The following HAPLN1 variants were observed in gnomAD, a reference collection of about 807,000 sequenced individuals.
HAPLN1 encodes the protein hyaluronan and proteoglycan link protein 1.
A neutral mutation model predicts 36.5 loss-of-function variants in HAPLN1; 13 were observed. The observed-to-expected ratio is 0.36, with a 90% CI of 0.23 to 0.57. The LOEUF (loss-of-function observed/expected upper bound fraction) is 0.57. HAPLN1 is among the 20% of genes least tolerant of loss of function. The pLI is 0.83. For missense variants in HAPLN1, 407 were observed against 439.7 expected (o/e 0.93, Z 0.66); for synonymous variants, 202 against 169.8 (o/e 1.19, Z -1.48).
intron 1 of HAPLN1, among the ~76,000 whole-genome samples, chr5:83,693,347 A>G (rs1751322504): frequency 6.6e-6 from 1 of 151,900 alleles, no homozygotes; most frequent in African/African-American, 2.4e-5. Flanking sequence ...TAACTAATAA[A>G]CCGACAAAGG....
intron 2 of HAPLN1, among the ~76,000 whole-genome samples, chr5:83,657,452 T>C (rs1200443632): frequency 6.6e-6 from 1 of 152,292 alleles, no homozygotes; most frequent in South Asian, 2.1e-4. Flanking sequence ...GTTATACATT[T>C]TATGAATCAT....
At chr5:83,704,189 T>C (rs1356838669) in intron 1 of HAPLN1, among the ~76,000 whole-genome samples, 1 of 152,130 alleles carries the variant, frequency 6.6e-6, no homozygotes, top group Non-Finnish European at 1.5e-5. Context: ...ATAAGATCTT[T>C]TTCAGATATG....
At position 83,641,544 on chromosome 5, in the gene HAPLN1, A is replaced by C; in HGVS notation, c.1017T>G (p.Asp339Glu). The part of the protein sequence containing the change: ...EAAVRFVGFP[D>E]KKHKLYGVYC... ...AGACACCATACAGCTTATGCTTTTT[A>C]TCTGGGAAACCCACGAAGCGCACTG... is the stretch of plus-strand genomic sequence containing the variant. Residue 339 changes from aspartate (D) to glutamate (E), a missense_variant, in exon 5 of 5, where the codon GAT (aspartate) becomes GAG (glutamate). Asp to Glu is a conservative substitution (Grantham distance 45). Transcript: ENST00000274341. 1.9e-6 allele frequency: 3 copies of C among 1,613,978 alleles called. No individual in the cohort carries two copies. The South Asian group carries it at 3.3e-5, about 18-fold the overall frequency.
At chr5:83,695,093 G>C (rs1423015004) in intron 1 of HAPLN1, among the ~76,000 whole-genome samples, 3 of 152,008 alleles carry the variant, frequency 2.0e-5, no homozygotes. Flanking sequence ...AGAAATTTAA[G>C]GTTTTCTTTA....
rs540668541 is a variant in HAPLN1, at chr5:83,713,363, A to G, written c.-27+7426T>C. 3.4e-3 allele frequency among the ~76,000 whole-genome samples: 518 copies of G among 152,294 alleles called. 2 individuals are homozygous for G. Among genetic ancestry groups the G allele is most frequent in the Non-Finnish European group, 5.0e-3 (339 of 68,020 alleles). The stretch of plus-strand genomic sequence containing the variant: ...CTGTGAGATGTAAGGATTAATAAAC[A>G]TTGCTGTTATCCAACTGAGTGGATA... On this transcript the variant is annotated intron_variant, in intron 1 of 4. Transcript: ENST00000274341.
At chr5:83,696,041 A>G (rs534096764) in intron 1 of HAPLN1, among the ~76,000 whole-genome samples, 3 of 152,250 alleles carry the variant, frequency 2.0e-5, no homozygotes, top group African/African-American at 7.2e-5. Flanking sequence ...AGTCTACAAA[A>G]AAGCTACTGT....
At chr5:83,699,599 GC>G (rs1751462234) in intron 1 of HAPLN1, among the ~76,000 whole-genome samples, 1 of 152,108 alleles carries the variant, frequency 6.6e-6, no homozygotes, top group Non-Finnish European at 1.5e-5. Flanking sequence ...GTGTATCAGA[GC>G]CCAGATGATA....
chr5:83,645,475 CT>C, intron 3 of HAPLN1, among the ~76,000 whole-genome samples: 30,822 of 74,508 alleles, frequency 0.41, 5,826 homozygotes, highest in East Asian at 0.5. Context: ...CTTTTTCTTT[CT>C]TTTTTTTTTT....
intron 1 of HAPLN1, among the ~76,000 whole-genome samples, chr5:83,708,891 G>GT (rs537083743): frequency 8.6e-5 from 13 of 151,618 alleles, no homozygotes; most frequent in South Asian, 2.1e-4. Context: ...CTTTTTTTCT[G>GT]TTTTTTTGAG....
At chr5:83,692,533 A>C (rs1049251034) in intron 1 of HAPLN1, among the ~76,000 whole-genome samples, 13 of 151,928 alleles carry the variant, frequency 8.6e-5, no homozygotes, top group African/African-American at 3.1e-4. Flanking sequence ...CTCTGCAAAA[A>C]TATGTCTCAT....
intron 4 of HAPLN1, 116 bp downstream of exon 4, chr5:83,644,247 T>G (rs1749785255): frequency 2.3e-6 from 2 of 866,640 alleles, no homozygotes; most frequent in Non-Finnish European, 3.2e-6. Context: ...ACAGCAAAAC[T>G]TCAAAGCTTG....
In HAPLN1 at chr5:83,641,523, A is replaced by C; in HGVS notation, c.1038T>G (p.Gly346=). Reference sequence around the variant, plus strand: ...AGTTGTATGCTCTGAAGCAGTAGACACCATACAGCTTATGCTTTTTATCTG... The same window carrying C: ...AGTTGTATGCTCTGAAGCAGTAGACCCCATACAGCTTATGCTTTTTATCTG... ...GFPDKKHKLY[G]VYCFRAYN Residue 346 remains glycine (G), a synonymous_variant, in exon 5 of 5, where the codon GGT becomes GGG. Transcript: ENST00000274341. 1 of 1,611,864 alleles carries C rather than the reference A, an allele frequency of 6.2e-7. No homozygotes were observed. The highest frequency in any genetic ancestry group is 8.5e-7 in the Non-Finnish European group (1 of 1,178,314).
chr5:83,699,675 C>G (rs1252941239), intron 1 of HAPLN1, among the ~76,000 whole-genome samples: 1 of 152,132 alleles, frequency 6.6e-6, no homozygotes, highest in Non-Finnish European at 1.5e-5. Flanking sequence ...GCCAAAAATT[C>G]AGATTTGTGA....
rs955074168 is a variant in HAPLN1, at chr5:83,659,790, A to C, written c.101-6966T>G. ...GTATTTAAAACACGAAATACATGGT[A>C]TCACATTTCCCTATTTTTTAAAGAT... On this transcript the variant is annotated intron_variant, in intron 2 of 4. Transcript: ENST00000274341. Among the ~76,000 whole-genome samples, 4 of 152,286 alleles carry C rather than the reference A, an allele frequency of 2.6e-5. No homozygotes were observed. The South Asian group carries it at 8.3e-4, about 32-fold the overall frequency.
rs1217520674 is a variant in HAPLN1, at chr5:83,637,897, T to C, written c.*3599A>G. ...AATCTAATCAACAACACAATAGATT[T>C]CTGGGATTGCTGAACTGGTGGGCAA... On this transcript the variant is annotated 3_prime_UTR_variant, in exon 5 of 5. Coordinates refer to ENST00000274341, the MANE Select transcript of HAPLN1 (RefSeq NM_001884.4). 2 of 152,010 alleles carry C rather than the reference T, an allele frequency of 1.3e-5. No individual in the cohort carries two copies. Among genetic ancestry groups the C allele is most frequent in the African/African-American group, 4.8e-5 (2 of 41,440 alleles). 9.4% of individuals were successfully genotyped at this position (152,010 alleles called of 1,614,324 possible). A position where few individuals can be genotyped will look rare whatever the true frequency, so the allele number is the denominator to read the frequency against.
At chr5:83,704,316 C>T (rs1751580260) in intron 1 of HAPLN1, among the ~76,000 whole-genome samples, 1 of 152,130 alleles carries the variant, frequency 6.6e-6, no homozygotes, top group African/African-American at 2.4e-5. Context: ...CTTAAATATA[C>T]AGGCAAGTGA....
At chr5:83,679,118 A>T (rs1750934145) in intron 1 of HAPLN1, among the ~76,000 whole-genome samples, 2 of 152,230 alleles carry the variant, frequency 1.3e-5, no homozygotes, top group Admixed American at 1.3e-4. Flanking sequence ...AGGCTTGCCA[A>T]TGCCTGCAGT....
intron 1 of HAPLN1, 172 bp from the exon 2 acceptor site, chr5:83,673,721 G>GAAC: frequency 1.9e-6 from 1 of 531,932 alleles, no homozygotes; most frequent in East Asian, 3.5e-5. Context: ...CGGCAGCTTT[G>GAAC]AACAATTCCT....
chr5:83,717,025 C>T (rs932301433), intron 1 of HAPLN1, among the ~76,000 whole-genome samples: 3 of 151,966 alleles, frequency 2.0e-5, no homozygotes, highest in African/African-American at 7.3e-5. Context: ...GAGCAAGACT[C>T]CATCTCAAGG....
Sources: gnomAD v4.1 joint callset for allele counts (sites outside exome capture counted in the v4.1 genomes callset) on GRCh38, gnomAD v4.1.1 for gene constraint, MANE v1.5 for transcripts, NCBI Gene and HGNC (gene_info 2026-07-23, HGNC 2026-07-21) for gene names.